PPM1H: variants seen among roughly 807,000 people sequenced by gnomAD.
PPM1H encodes the protein protein phosphatase 1H.
In PPM1H, 27 loss-of-function variants were observed where a neutral mutation model predicts 54.9. The ratio of observed to expected loss-of-function variants is 0.49; its 90% confidence interval spans 0.36 to 0.68. The LOEUF (loss-of-function observed/expected upper bound fraction) is 0.68, where lower values mean the gene tolerates loss of function less well. PPM1H is among the 30% of genes least tolerant of loss of function. The probability of loss-of-function intolerance (pLI) is 0.00; values close to 1 mark genes in which losing one functional copy is unlikely to be tolerated. For synonymous variants in PPM1H, 305 were observed against 270.8 expected (o/e 1.13, Z -1.24); for missense variants, 596 against 667.8 (o/e 0.89, Z 1.19).
At chr12:62,746,940 C>T (rs537485985) in intron 4 of PPM1H, among the ~76,000 whole-genome samples, 1 of 152,144 alleles carries the variant, frequency 6.6e-6, no homozygotes, top group South Asian at 2.1e-4. Flanking sequence ...AAACGAGTAA[C>T]AAATTCTTTC....
chr12:62,649,484 A>G (rs1172844540), intron 9 of PPM1H, among the ~76,000 whole-genome samples: 4 of 152,340 alleles, frequency 2.6e-5, no homozygotes, highest in Admixed American at 2.6e-4. Flanking sequence ...GAGGCATAAA[A>G]AAATGAGACA....
chr12:62,770,468 G>A (rs2076572117), intron 4 of PPM1H, among the ~76,000 whole-genome samples: 2 of 152,072 alleles, frequency 1.3e-5, no homozygotes, highest in South Asian at 4.2e-4. Flanking sequence ...TACATCACAA[G>A]TGTTCCTATC....
chr12:62,725,732 T>C (rs2076286196), intron 5 of PPM1H, among the ~76,000 whole-genome samples: 1 of 152,226 alleles, frequency 6.6e-6, no homozygotes, highest in Non-Finnish European at 1.5e-5. Context: ...TTTCCGCCCC[T>C]GCAGGTGTCT....
intron 8 of PPM1H, among the ~76,000 whole-genome samples, chr12:62,681,623 A>G (rs1424421138): frequency 6.6e-6 from 1 of 152,252 alleles, no homozygotes; most frequent in African/African-American, 2.4e-5. Context: ...TTCTTTAAAA[A>G]AAGAAATTGT....
rs187395631 is a variant in PPM1H at position 62,896,310 on chromosome 12, G to A, written c.245+38182C>T. The stretch of plus-strand genomic sequence containing the variant: ...AAGAAACTACCATCAGAGTGAACAG[G>A]CAACCTACAGAATGGGAGAAAATTT... On this transcript the variant is annotated intron_variant, in intron 1 of 9. Transcript: ENST00000228705. 1.2e-3 allele frequency among the ~76,000 whole-genome samples: 180 copies of A among 152,198 alleles called. 1 individual carries two copies. Among genetic ancestry groups the A allele is most frequent in the African/African-American group, 4.2e-3 (175 of 41,534 alleles).
intron 4 of PPM1H, among the ~76,000 whole-genome samples, chr12:62,754,740 T>C (rs947522004): frequency 5.3e-5 from 8 of 152,226 alleles, no homozygotes; most frequent in Non-Finnish European, 1.0e-4. Context: ...AGCCATAGTC[T>C]TTACTTGGAC....
At chr12:62,679,056 G>A (rs148375124) in intron 8 of PPM1H, among the ~76,000 whole-genome samples, 2 of 151,392 alleles carry the variant, frequency 1.3e-5, no homozygotes, top group Non-Finnish European at 1.5e-5. Context: ...GTGAGATCTC[G>A]GCTCACTGCA....
chr12:62,761,167 C>T (rs867257800), intron 4 of PPM1H, among the ~76,000 whole-genome samples: 4 of 152,178 alleles, frequency 2.6e-5, no homozygotes, highest in Non-Finnish European at 5.9e-5. Context: ...CTACAGCCAA[C>T]AATAAATATT....
At chr12:62,902,308 C>A (rs1245184663) in intron 1 of PPM1H, among the ~76,000 whole-genome samples, 2 of 151,504 alleles carry the variant, frequency 1.3e-5, no homozygotes, top group African/African-American at 2.4e-5. Flanking sequence ...GAGCCGAGAT[C>A]GCACCATTGC....
intron 8 of PPM1H, among the ~76,000 whole-genome samples, chr12:62,680,616 T>C (rs1208830801): frequency 6.6e-6 from 1 of 152,150 alleles, no homozygotes; most frequent in African/African-American, 2.4e-5. Context: ...AACATTAACA[T>C]GTGAGAAAGC....
At chr12:62,699,217 A>G (rs1029734378) in intron 6 of PPM1H, among the ~76,000 whole-genome samples, 5 of 152,094 alleles carry the variant, frequency 3.3e-5, no homozygotes, top group African/African-American at 1.2e-4. Context: ...TTTTTTTGAG[A>G]TGGAGTTTCA....
chr12:62,658,722 C>T (rs2075862248), intron 9 of PPM1H: 1 of 356,794 alleles, frequency 2.8e-6, no homozygotes, highest in Non-Finnish European at 5.4e-6. Flanking sequence ...CATTTCGTGA[C>T]CCCACAAGAG....
chr12:62,792,891 C>A (rs1311438062), intron 3 of PPM1H, among the ~76,000 whole-genome samples: 2 of 152,160 alleles, frequency 1.3e-5, no homozygotes, highest in Non-Finnish European at 2.9e-5. Context: ...AATAAAGATA[C>A]ATTTACCATT....
chr12:62,880,472 AC>A (rs1870352741), intron 1 of PPM1H, among the ~76,000 whole-genome samples: 2 of 151,692 alleles, frequency 1.3e-5, no homozygotes, highest in African/African-American at 4.8e-5. Context: ...TGAGTTTGCA[AC>A]CCCCAGCCTG....
intron 4 of PPM1H, among the ~76,000 whole-genome samples, chr12:62,767,465 T>C (rs1394565790): frequency 1.3e-5 from 2 of 152,220 alleles, no homozygotes; most frequent in East Asian, 1.9e-4. Context: ...TTAGCTGCTA[T>C]AGCAGATAAT....
intron 4 of PPM1H, among the ~76,000 whole-genome samples, chr12:62,762,874 C>T (rs1356171001): frequency 6.6e-6 from 1 of 152,126 alleles, no homozygotes; most frequent in Non-Finnish European, 1.5e-5. Flanking sequence ...TCATTGATGA[C>T]CGAGAAGGGA....
At chr12:62,718,359 T>C (rs748892800) in intron 6 of PPM1H, among the ~76,000 whole-genome samples, 1 of 152,256 alleles carries the variant, frequency 6.6e-6, no homozygotes, top group East Asian at 1.9e-4. Context: ...AATGTTGTTA[T>C]GATAGTTTTT....
intron 4 of PPM1H, among the ~76,000 whole-genome samples, chr12:62,750,259 A>G (rs764333869): frequency 6.6e-6 from 1 of 152,204 alleles, no homozygotes; most frequent in Non-Finnish European, 1.5e-5. Context: ...TATACCCTGT[A>G]CTTTTTAGTA....
chr12:62,675,777 T>C (rs1272352936), intron 8 of PPM1H, among the ~76,000 whole-genome samples: 1 of 152,198 alleles, frequency 6.6e-6, no homozygotes, highest in Non-Finnish European at 1.5e-5. Flanking sequence ...GTGTCACTAC[T>C]TCACAGGACT....
Sources: gnomAD v4.1 joint callset for allele counts (sites outside exome capture counted in the v4.1 genomes callset) on GRCh38, gnomAD v4.1.1 for gene constraint, MANE v1.5 for transcripts, NCBI Gene and HGNC (gene_info 2026-07-23, HGNC 2026-07-21) for gene names.